MARCHF10: variants seen among roughly 807,000 people sequenced by gnomAD.
The protein encoded by MARCHF10 is probable E3 ubiquitin-protein ligase MARCHF10.
Under a neutral mutation model 76.2 loss-of-function variants are expected in MARCHF10, and 64 were observed. The ratio of observed to expected loss-of-function variants is 0.84; its 90% CI spans 0.69 to 1.03. The LOEUF (loss-of-function observed/expected upper bound fraction) is 1.03. MARCHF10 is among the 50% of genes least tolerant of loss of function. The pLI, the probability that MARCHF10 is intolerant of heterozygous loss-of-function variation, is 0.00. For synonymous variants in MARCHF10, 340 were observed against 357.5 expected, an observed-to-expected ratio of 0.95 and a Z score of 0.55; for missense variants, 875 against 958.0, an observed-to-expected ratio of 0.91 and a Z score of 1.14.
At chr17:62,708,162 A>G (rs2089702473) in intron 9 of MARCHF10, among the ~76,000 whole-genome samples, 1 of 152,182 alleles carries the variant, frequency 6.6e-6, no homozygotes, top group African/African-American at 2.4e-5. Flanking sequence ...TCCTTTACCT[A>G]GAATATTGTT....
At position 62,704,754 on chromosome 17, in the gene MARCHF10, G is replaced by A. The variant is rs956894988; in HGVS notation, c.2371+785C>T. Among the ~76,000 whole-genome samples, 29 of 152,358 alleles carry A rather than the reference G, an allele frequency of 1.9e-4. No individual in the cohort carries two copies. The Middle Eastern group carries it at 0.01, about 54-fold the overall frequency. ...GTTCCCGGGTGATTCTGATGGCAAA[G>A]CCCATGTGGGAGCCACTGTTCTAAG... On this transcript the variant is annotated intron_variant, in intron 10 of 10. Coordinates refer to ENST00000311269, the MANE Select transcript of MARCHF10 (RefSeq NM_152598.4).
chr17:62,716,817 T>C (rs1279765496), intron 8 of MARCHF10, among the ~76,000 whole-genome samples: 3 of 152,164 alleles, frequency 2.0e-5, no homozygotes, highest in Non-Finnish European at 2.9e-5. Context: ...GTTTTGCCCC[T>C]TTTTTGGTAC....
rs769794262 is a variant in MARCHF10 at position 62,711,314 on chromosome 17, A to G, written c.2245T>C (p.Tyr749His). The change falls in exon 9 of 11, where the codon TAC becomes CAC. Residue 749 changes from tyrosine to histidine, a missense_variant. Tyr to His is a moderately conservative substitution (Grantham distance 83). Coordinates refer to ENST00000311269, the MANE Select transcript of MARCHF10 (RefSeq NM_152598.4). The surrounding 1 kb of genome is among the most constrained non-coding windows in gnomAD (Gnocchi z 4.4). ...AQNELMNSGL[Y>H]LVLLLHLYEQ... The stretch of plus-strand genomic sequence containing the variant: ...TAGAGGTGAAGCAGCAGCACCAGGT[A>G]CAAGCCTGAATTCATCAGCTCGTTT... 9 of 1,614,198 alleles carry G rather than the reference A, an allele frequency of 5.6e-6. No homozygotes were observed. Among genetic ancestry groups the G allele is most frequent in the Non-Finnish European group, 7.6e-6 (9 of 1,180,014 alleles).
rs1269543525 is a variant in MARCHF10 at position 62,736,091 on chromosome 17, C to T, written c.1777G>A (p.Gly593Arg). 1 of 1,614,158 alleles carries T rather than the reference C, an allele frequency of 6.2e-7. No homozygotes were observed. The highest frequency in any genetic ancestry group is 1.1e-5 in the South Asian group (1 of 91,080). Residue 593 changes from glycine (G) to arginine (R), a missense_variant, in exon 6 of 11, where the codon GGG becomes AGG. Gly to Arg is a moderately radical substitution (Grantham distance 125). Coordinates refer to ENST00000311269, the MANE Select transcript of MARCHF10 (RefSeq NM_152598.4). ...MNSEGHLHVS[G>R]SLQENTPFTF... is the part of the protein sequence containing the mutation. ...AATGGTGTATTTTCTTGCAGAGACC[C>T]AGACACATGCAAATGGCCTTCTGAG...
chr17:62,731,606 T>G (rs2091026656), intron 6 of MARCHF10, among the ~76,000 whole-genome samples: 1 of 152,096 alleles, frequency 6.6e-6, no homozygotes, highest in South Asian at 2.1e-4. Context: ...TAGAAATTCC[T>G]GGAACTGGAA....
intron 8 of MARCHF10, among the ~76,000 whole-genome samples, chr17:62,713,102 G>A (rs114637928): frequency 0.012 from 1,866 of 152,120 alleles, 49 homozygotes; most frequent in African/African-American, 0.042. Context: ...GCCTGCCTCC[G>A]ACTGTCTCGC....
rs1484549391 is a variant in MARCHF10, at chr17:62,724,883, GCCTCA to G, written c.2104+50_2104+54del. 8 of 1,592,662 alleles carry G rather than the reference GCCTCA, an allele frequency of 5.0e-6. No individual in the cohort carries two copies. The East Asian group carries it at 1.8e-4, about 36-fold the overall frequency. On this transcript the variant is annotated intron_variant, in intron 7 of 10. Transcript: ENST00000311269. ...AAGGCTCCGGGGCCCACACCGTGGT[GCCTCA>G]TGTTAATTACATGTCGTGGCACGTT...
At chr17:62,733,267 T>C (rs1014617474) in intron 6 of MARCHF10, among the ~76,000 whole-genome samples, 3 of 152,142 alleles carry the variant, frequency 2.0e-5, no homozygotes, top group Non-Finnish European at 4.4e-5. Context: ...GAGACCAGCC[T>C]GGGCAACGTA....
intron 7 of MARCHF10, 100 bp downstream of exon 7, chr17:62,724,838 G>T: frequency 4.6e-6 from 6 of 1,308,612 alleles, no homozygotes; most frequent in Non-Finnish European, 6.4e-6. Flanking sequence ...CTGTTCTGCG[G>T]AGGAGAGTGA....
intron 3 of MARCHF10, among the ~76,000 whole-genome samples, chr17:62,777,733 A>AAAAAG (rs2148048645): frequency 6.6e-6 from 1 of 151,258 alleles, no homozygotes. Flanking sequence ...AAAAAGAAAA[A>AAAAAG]AAAAAAGAAA....
intron 5 of MARCHF10, among the ~76,000 whole-genome samples, chr17:62,740,028 A>G (rs2091447709): frequency 6.6e-6 from 1 of 151,272 alleles, no homozygotes; most frequent in Non-Finnish European, 1.5e-5. Context: ...CTCTTTAAAA[A>G]TTCAATCAGA....
chr17:62,807,133 C>A (rs964758183), intron 1 of MARCHF10, among the ~76,000 whole-genome samples: 1 of 152,086 alleles, frequency 6.6e-6, no homozygotes. Flanking sequence ...CAACCTTTTC[C>A]CCAATTGATT....
intron 4 of MARCHF10, among the ~76,000 whole-genome samples, chr17:62,753,998 A>G (rs1392685402): frequency 2.0e-5 from 3 of 152,226 alleles, no homozygotes; most frequent in African/African-American, 7.2e-5. Flanking sequence ...TAACATCCCC[A>G]TAGGTACTGG....
chr17:62,752,019 C>CAAAAAAAAA (rs2091911450), intron 4 of MARCHF10, among the ~76,000 whole-genome samples: 1 of 135,416 alleles, frequency 7.4e-6, no homozygotes, highest in Non-Finnish European at 1.7e-5. Context: ...GACTCCATCT[C>CAAAAAAAAA]AAAAAAGAAA....
intron 3 of MARCHF10, among the ~76,000 whole-genome samples, chr17:62,786,023 C>T (rs533606155): frequency 1.3e-5 from 2 of 152,182 alleles, no homozygotes; most frequent in South Asian, 4.2e-4. Flanking sequence ...CCAGTGATCC[C>T]GTTACTGGGT....
chr17:62,791,120 CA>C (rs1465540679), intron 2 of MARCHF10, among the ~76,000 whole-genome samples: 1 of 152,118 alleles, frequency 6.6e-6, no homozygotes, highest in Admixed American at 6.5e-5. Flanking sequence ...TTAAACAAAA[CA>C]AACAAAAAAC....
chr17:62,781,435 TG>T (rs2092656742), intron 3 of MARCHF10, among the ~76,000 whole-genome samples: 2 of 152,376 alleles, frequency 1.3e-5, no homozygotes, highest in South Asian at 4.1e-4. Context: ...GTGGTTTGCC[TG>T]AATTCACATT....
rs1490571422 is a variant in MARCHF10 at position 62,765,975 on chromosome 17, C to T, written c.211-5969G>A. On this transcript the variant is annotated intron_variant, in intron 3 of 10. Transcript: ENST00000311269. The stretch of plus-strand genomic sequence containing the variant: ...CCCAGCACGGTAGGAGGCTGAGGCA[C>T]TTGAGCCCAGGAGTTTGAGACCAGC... Among the ~76,000 whole-genome samples, 12 of 150,138 alleles carry T rather than the reference C, an allele frequency of 8.0e-5. 1 individual carries two copies.
intron 8 of MARCHF10, among the ~76,000 whole-genome samples, chr17:62,718,151 AG>A (rs1475209042): frequency 6.6e-6 from 1 of 152,146 alleles, no homozygotes; most frequent in Non-Finnish European, 1.5e-5. Flanking sequence ...CAGACCTGTG[AG>A]GTGTGAGTTA....
Sources: gnomAD v4.1 joint callset for allele counts (sites outside exome capture counted in the v4.1 genomes callset) on GRCh38, gnomAD v4.1.1 for gene constraint, Gnocchi (gnomAD v3.1) non-coding constraint, MANE v1.5 for transcripts, NCBI Gene and HGNC (gene_info 2026-07-23, HGNC 2026-07-21) for gene names.